POTEF: variants seen among roughly 807,000 people sequenced by gnomAD.
POTEF encodes ANKRD26-like family C member 1B.
POTEF carries 20 observed loss-of-function variants against 83.2 expected under a neutral mutation model. The observed-to-expected ratio is 0.24, with a 90% CI of 0.17 to 0.35. The LOEUF (loss-of-function observed/expected upper bound fraction) is 0.35, where lower values mean the gene tolerates loss of function less well. POTEF is among the 10% of genes least tolerant of loss of function. POTEF has a pLI of 1.00. For missense variants in POTEF, 550 were observed against 1,203.2 expected (o/e 0.46, Z 8.03); for synonymous variants, 196 against 446.4 (o/e 0.44, Z 7.07).
Position 130,127,185 on chromosome 2 carries a change from C to T in POTEF, c.-94+524G>A, listed in dbSNP as rs558559091. On this transcript the variant is annotated intron_variant, in intron 2 of 16. Coordinates refer to ENST00000409914, the MANE Select transcript of POTEF (RefSeq NM_001099771.2). ...AAATACAAAAATAAAATTGGCTGGG[C>T]GTGGTGGCAGGCGCCTGTAGTCCCA... is the stretch of plus-strand genomic sequence containing the variant. Among the ~76,000 whole-genome samples, 8 of 151,032 alleles carry T rather than the reference C, an allele frequency of 5.3e-5. No individual in the cohort carries two copies. In the East Asian group the frequency reaches 5.8e-4, roughly 11 times the overall value.
In POTEF at chr2:130,125,454, C is replaced by T. The variant is rs931479239; in HGVS notation, c.-94+2255G>A. Among the ~76,000 whole-genome samples, 7 of 149,784 alleles carry T rather than the reference C, an allele frequency of 4.7e-5. 1 individual carries two copies. The highest frequency in any genetic ancestry group is 2.1e-4 in the South Asian group (1 of 4,786). On this transcript the variant is annotated intron_variant, in intron 2 of 16. Coordinates refer to ENST00000409914, the MANE Select transcript of POTEF (RefSeq NM_001099771.2). ...AAATTATAGGCCTTACACATTTCTA[C>T]GGGCTTGAAAAATGATACAATATAG...
chr2:130,121,081 C>A (rs1684991414), intron 2 of POTEF, among the ~76,000 whole-genome samples: 2 of 151,890 alleles, frequency 1.3e-5, no homozygotes, highest in South Asian at 4.2e-4. Flanking sequence ...CGCGTGCAAG[C>A]CGTTACAAGC....
Position 130,104,575 on chromosome 2 carries a change from A to C in POTEF, c.1127-2395T>G, listed in dbSNP as rs542041078. ...ATCAAAGTGTATTTCACAGAAAATG[A>C]TTTTTTAGAAGTCAGAACTATGACA... On this transcript the variant is annotated intron_variant, in intron 8 of 16. Coordinates refer to ENST00000409914, the MANE Select transcript of POTEF (RefSeq NM_001099771.2). Among the ~76,000 whole-genome samples the C allele has an allele frequency of 1.0e-3, 151 of 151,682 alleles. 12 individuals carry two copies. Among genetic ancestry groups the C allele is most frequent in the African/African-American group, 3.6e-3 (148 of 41,014 alleles).
chr2:130,128,724 C>T (rs1324190371), intron 1 of POTEF, among the ~76,000 whole-genome samples: 3 of 151,046 alleles, frequency 2.0e-5, no homozygotes, highest in Non-Finnish European at 3.0e-5. Flanking sequence ...CACCCGACAA[C>T]ACTCCTAAAC....
chr2:130,128,611 G>C (rs1284607953), intron 1 of POTEF, among the ~76,000 whole-genome samples: 1 of 142,908 alleles, frequency 7.0e-6, no homozygotes, highest in African/African-American at 2.6e-5. Context: ...ACCTGACCCA[G>C]CCACAGGTGT....
At position 130,120,341 on chromosome 2, in the gene POTEF, T is replaced by C; in HGVS notation, c.175A>G (p.Ser59Gly). The change falls in exon 3 of 17, where the codon AGC becomes GGC. Residue 59 changes from serine to glycine, a missense_variant. Coordinates refer to ENST00000409914, the MANE Select transcript of POTEF (RefSeq NM_001099771.2). ...TGGCGGCACCACTTGCCCATCTTGC[T>C]CCTGAGTGTCTTCATAGCAGAGTCG... is the stretch of plus-strand genomic sequence containing the variant. ...HDDSAMKTLR[S>G]KMGKWCRHCF... 2 of 1,610,626 alleles carry C rather than the reference T, an allele frequency of 1.2e-6. No individual in the cohort carries two copies. The highest frequency in any genetic ancestry group is 1.7e-6 in the Non-Finnish European group (2 of 1,179,696).
At position 130,074,199 on chromosome 2, in the gene POTEF, T is replaced by C. The variant is rs1227960253; in HGVS notation, c.*45A>G. On this transcript the variant is annotated 3_prime_UTR_variant, in exon 17 of 17. Coordinates refer to ENST00000409914, the MANE Select transcript of POTEF (RefSeq NM_001099771.2). ...ATCTCATGTTGTTTTCTGAGAAGTT[T>C]GGTTTTGTCAAGAAAGGGTGTAACG... The C allele has an allele frequency of 4.4e-6, 7 of 1,605,604 alleles. No individual in the cohort carries two copies. Among genetic ancestry groups the C allele is most frequent in the Non-Finnish European group, 5.9e-6 (7 of 1,177,142 alleles).
chr2:130,126,406 C>T (rs1253603334), intron 2 of POTEF, among the ~76,000 whole-genome samples: 3 of 152,132 alleles, frequency 2.0e-5, no homozygotes, highest in South Asian at 4.2e-4. Flanking sequence ...GAACTTACCC[C>T]GTGACTCCTG....
chr2:130,125,763 G>A (rs939809415), intron 2 of POTEF, among the ~76,000 whole-genome samples: 20 of 151,664 alleles, frequency 1.3e-4, no homozygotes, highest in South Asian at 4.2e-4. Context: ...AAAAGTAGCC[G>A]GGCGTGGTGG....
intron 2 of POTEF, 119 bp from the exon 3 acceptor site, chr2:130,120,727 C>G (rs1684980515): frequency 1.1e-6 from 1 of 919,836 alleles, no homozygotes. Context: ...CACGCCCCCC[C>G]TGGGCGACCC....
At position 130,073,983 on chromosome 2, in the gene POTEF, A is replaced by G. The variant is rs1236063392; in HGVS notation, c.*261T>C. The G allele has an allele frequency of 1.4e-6, 1 of 728,820 alleles. No homozygotes were observed. Among genetic ancestry groups the G allele is most frequent in the African/African-American group, 1.8e-5 (1 of 56,124 alleles). 45.1% of individuals were successfully genotyped at this position (728,820 alleles called of 1,614,324 possible). On this transcript the variant is annotated 3_prime_UTR_variant, in exon 17 of 17. Coordinates refer to ENST00000409914, the MANE Select transcript of POTEF (RefSeq NM_001099771.2). Reference sequence around the variant, plus strand: ...GGGGCTTCCTGAAACAATGCGTCTCACAATATTTGGAATGACTATTGAAAA... The same window carrying G: ...GGGGCTTCCTGAAACAATGCGTCTCGCAATATTTGGAATGACTATTGAAAA...
At position 130,093,095 on chromosome 2, in the gene POTEF, G is replaced by C. The variant is rs1276167732; in HGVS notation, c.1480+343C>G. On this transcript the variant is annotated intron_variant, in intron 12 of 16. Coordinates refer to ENST00000409914, the MANE Select transcript of POTEF (RefSeq NM_001099771.2). ...AGGAGCATGAACCCTGTTGTGAACT[G>C]CCCATCTGAGGGATCTAGGTTGTGT... 2.8e-5 allele frequency among the ~76,000 whole-genome samples: 4 copies of C among 144,888 alleles called. 1 individual carries two copies. In the East Asian group the frequency reaches 8.1e-4, roughly 29 times the overall value.
At chr2:130,115,618 G>A (rs1246706809) in intron 3 of POTEF, among the ~76,000 whole-genome samples, 2 of 152,104 alleles carry the variant, frequency 1.3e-5, no homozygotes, top group African/African-American at 4.8e-5. Context: ...GCCTTTTGGG[G>A]TCTCAGTTTC....
At chr2:130,104,889 G>A (rs577123900) in intron 8 of POTEF, among the ~76,000 whole-genome samples, 48 of 151,270 alleles carry the variant, frequency 3.2e-4, no homozygotes, top group African/African-American at 1.1e-3. Context: ...AGTAGGATGC[G>A]AGTTATAAAT....
intron 2 of POTEF, 112 bp from the exon 3 acceptor site, chr2:130,120,720 GC>G (rs1198310743): frequency 1.0e-5 from 9 of 858,066 alleles, no homozygotes; most frequent in African/African-American, 5.3e-5. Context: ...GAAAGCCCAC[GC>G]CCCCCCTGGG....
intron 2 of POTEF, among the ~76,000 whole-genome samples, chr2:130,125,742 C>T (rs2104712731): frequency 6.6e-6 from 1 of 152,032 alleles, no homozygotes; most frequent in Admixed American, 6.5e-5. Flanking sequence ...CCCATCTCTA[C>T]TAAAAATACA....
At chr2:130,110,412 C>A in intron 7 of POTEF, 131 bp downstream of exon 7, 1 of 1,589,772 alleles carries the variant, frequency 6.3e-7, no homozygotes, top group South Asian at 1.2e-5. Flanking sequence ...ATGCAGGGGA[C>A]TAAAACTCAC....
At chr2:130,113,247 T>G (rs1439394064) in intron 5 of POTEF, among the ~76,000 whole-genome samples, 1 of 113,162 alleles carries the variant, frequency 8.8e-6, no homozygotes, top group African/African-American at 3.5e-5. Flanking sequence ...AAACTGAGGT[T>G]GGAGGACCAT....
rs200220580 is a variant in POTEF at position 130,116,499 on chromosome 2, C to T, written c.522-1171G>A. Among the ~76,000 whole-genome samples the T allele has an allele frequency of 0.015, 2,228 of 146,438 alleles. 111 individuals are homozygous for T. The East Asian group carries it at 0.16, about 10-fold the overall frequency. On this transcript the variant is annotated intron_variant, in intron 3 of 16. Coordinates refer to ENST00000409914, the MANE Select transcript of POTEF (RefSeq NM_001099771.2). ...ATTCTATTTCCTGCTTCCTTCCCTC[C>T]TCCCACCCTTCACCCTGTAATAGGC...
Sources: gnomAD v4.1 joint callset for allele counts (sites outside exome capture counted in the v4.1 genomes callset) on GRCh38, gnomAD v4.1.1 for gene constraint, MANE v1.5 for transcripts, NCBI Gene and HGNC (gene_info 2026-07-23, HGNC 2026-07-21) for gene names.